Variants in NPAS3 observed in about 807,000 individuals in gnomAD.
NPAS3 encodes the protein neuronal PAS domain protein 3.
A neutral mutation model predicts 73.1 loss-of-function variants in NPAS3; 14 were observed. The observed-to-expected ratio is 0.19, with a 90% CI of 0.13 to 0.30. The LOEUF (loss-of-function observed/expected upper bound fraction) is 0.30. Ranked by LOEUF, NPAS3 falls within the 10% of genes least tolerant of loss-of-function variation. NPAS3 has a pLI of 1.00. For synonymous variants in NPAS3, 620 were observed against 541.5 expected (o/e 1.14, Z -2.01); for missense variants, 1,096 against 1,250.0 (o/e 0.88, Z 1.86).
At chr14:33,722,533 A>C (rs1265815903) in intron 6 of NPAS3, among the ~76,000 whole-genome samples, 1 of 152,220 alleles carries the variant, frequency 6.6e-6, no homozygotes, top group Non-Finnish European at 1.5e-5. Context: ...ATAGTAGCTG[A>C]CCAAGGTTAT....
At chr14:33,510,236 T>C (rs188909483) in intron 4 of NPAS3, among the ~76,000 whole-genome samples, 169 of 152,186 alleles carry the variant, frequency 1.1e-3, no homozygotes, top group Non-Finnish European at 1.6e-3. Flanking sequence ...TTTCAAAATC[T>C]GTGCCCTAAA....
intron 5 of NPAS3, among the ~76,000 whole-genome samples, chr14:33,574,793 G>A (rs924527590): frequency 6.6e-6 from 1 of 152,234 alleles, no homozygotes; most frequent in Admixed American, 6.5e-5. Context: ...AAATAAGTAG[G>A]GTTATCTCTT....
chr14:33,500,861 G>A (rs28542631), intron 4 of NPAS3, among the ~76,000 whole-genome samples: 2,054 of 152,044 alleles, frequency 0.014, 46 homozygotes, highest in African/African-American at 0.045. Flanking sequence ...CCAGCAGTCC[G>A]TTGTAAGAGC....
At chr14:33,359,249 T>C (rs1209262681) in intron 3 of NPAS3, among the ~76,000 whole-genome samples, 1 of 152,160 alleles carries the variant, frequency 6.6e-6, no homozygotes, top group Non-Finnish European at 1.5e-5. Flanking sequence ...CAACGTTAGT[T>C]CCCTGTCGTA....
intron 1 of NPAS3, among the ~76,000 whole-genome samples, chr14:33,028,442 A>T (rs1381523698): frequency 6.6e-6 from 1 of 152,230 alleles, no homozygotes; most frequent in Non-Finnish European, 1.5e-5. Context: ...ATAACAAGTG[A>T]GTGAATGCCA....
intron 5 of NPAS3, among the ~76,000 whole-genome samples, chr14:33,615,412 C>G (rs531928018): frequency 5.3e-4 from 81 of 152,122 alleles, no homozygotes; most frequent in Non-Finnish European, 1.0e-3. Context: ...AGAACCGGAG[C>G]AAGGGCAGTG....
At chr14:33,066,476 G>C (rs1170812189) in intron 2 of NPAS3, among the ~76,000 whole-genome samples, 1 of 152,128 alleles carries the variant, frequency 6.6e-6, no homozygotes, top group Non-Finnish European at 1.5e-5. Context: ...ATGGTACTTG[G>C]GAAATGCCTC....
chr14:33,162,930 C>A (rs2044960187), intron 2 of NPAS3, among the ~76,000 whole-genome samples: 1 of 152,178 alleles, frequency 6.6e-6, no homozygotes. Flanking sequence ...TCAGAACTGG[C>A]TGCTATGTAC....
chr14:33,756,778 A>C (rs1267090259), intron 7 of NPAS3, among the ~76,000 whole-genome samples: 1 of 152,234 alleles, frequency 6.6e-6, no homozygotes, highest in Admixed American at 6.5e-5. Context: ...AGAGAAATAA[A>C]GGATGCATTC....
chr14:33,201,590 T>C (rs1467980626), intron 2 of NPAS3, among the ~76,000 whole-genome samples: 1 of 152,226 alleles, frequency 6.6e-6, no homozygotes, highest in Non-Finnish European at 1.5e-5. Context: ...AAAGGGCTCA[T>C]GTATAGCGTC....
At chr14:33,223,656 T>G (rs2047516018) in intron 3 of NPAS3, among the ~76,000 whole-genome samples, 1 of 152,204 alleles carries the variant, frequency 6.6e-6, no homozygotes, top group African/African-American at 2.4e-5. Context: ...ATTAGACTAT[T>G]TGAGACTAAT....
chr14:33,167,955 T>C (rs1314042406), intron 2 of NPAS3, among the ~76,000 whole-genome samples: 1 of 152,200 alleles, frequency 6.6e-6, no homozygotes, highest in African/African-American at 2.4e-5. Flanking sequence ...CCTAAATAAG[T>C]CTCACACACA....
intron 2 of NPAS3, among the ~76,000 whole-genome samples, chr14:33,109,156 A>G (rs1051467107): frequency 9.9e-5 from 15 of 152,176 alleles, no homozygotes; most frequent in Non-Finnish European, 1.9e-4. Context: ...TCAAAGATCC[A>G]TGTGAATTCA....
intron 3 of NPAS3, among the ~76,000 whole-genome samples, chr14:33,226,158 C>T (rs1405752271): frequency 1.3e-5 from 2 of 152,154 alleles, no homozygotes; most frequent in East Asian, 3.9e-4. Context: ...AGCTTTCTCA[C>T]TTTAATATAG....
intron 5 of NPAS3, among the ~76,000 whole-genome samples, chr14:33,664,369 C>T (rs1184502408): frequency 1.3e-5 from 2 of 152,082 alleles, no homozygotes; most frequent in Non-Finnish European, 2.9e-5. Context: ...AAAATTAACT[C>T]GAGATGGATT....
intron 7 of NPAS3, among the ~76,000 whole-genome samples, chr14:33,743,089 A>C (rs1473974473): frequency 6.6e-6 from 1 of 151,732 alleles, no homozygotes; most frequent in Non-Finnish European, 1.5e-5. Flanking sequence ...ACTCCTGTTC[A>C]TGTGACCTCT....
intron 9 of NPAS3, among the ~76,000 whole-genome samples, chr14:33,784,580 A>G (rs1420667681): frequency 1.3e-5 from 2 of 152,114 alleles, no homozygotes; most frequent in African/African-American, 2.4e-5. Flanking sequence ...CATAGAACAC[A>G]AACACATGAT....
At chr14:33,665,381 G>A (rs534722990) in intron 5 of NPAS3, among the ~76,000 whole-genome samples, 11 of 152,132 alleles carry the variant, frequency 7.2e-5, no homozygotes, top group African/African-American at 1.9e-4. Context: ...CCACCATGGC[G>A]CGTGTATACC....
intron 2 of NPAS3, among the ~76,000 whole-genome samples, chr14:33,080,308 G>C (rs1292098510): frequency 6.6e-6 from 1 of 151,852 alleles, no homozygotes; most frequent in Non-Finnish European, 1.5e-5. Flanking sequence ...GGGTTTCATC[G>C]TGTTAGCCAG....
Sources: gnomAD v4.1 joint callset for allele counts (sites outside exome capture counted in the v4.1 genomes callset) on GRCh38, gnomAD v4.1.1 for gene constraint, MANE v1.5 for transcripts, NCBI Gene and HGNC (gene_info 2026-07-23, HGNC 2026-07-21) for gene names.